The following MAU2 variants were observed in gnomAD, a reference collection of about 807,000 sequenced individuals.
The protein encoded by MAU2 is MAU2 sister chromatid cohesion factor, also known as MAU2 chromatid cohesion factor homolog.
MAU2 carries 9 observed loss-of-function variants against 89.1 expected under a neutral mutation model. The observed-to-expected ratio is 0.10, with a 90% CI of 0.06 to 0.18. The LOEUF is 0.18. Among genes scored for constraint, MAU2 ranks in the 10% least tolerant of loss-of-function variants. The pLI, the probability that MAU2 is intolerant of heterozygous loss-of-function variation, is 1.00. For synonymous variants in MAU2, 357 were observed against 343.4 expected (o/e 1.04, Z -0.44); for missense variants, 425 against 803.5 (o/e 0.53, Z 5.69).
intron 1 of MAU2, among the ~76,000 whole-genome samples, chr19:19,335,376 G>C (rs1184277100): frequency 6.6e-6 from 1 of 152,120 alleles, no homozygotes; most frequent in Admixed American, 6.6e-5. Context: ...GACACCTGGG[G>C]GCCTTGCTGT....
At chr19:19,337,294 G>A in intron 4 of MAU2, 29 bp downstream of exon 4, 2 of 1,572,196 alleles carry the variant, frequency 1.3e-6, no homozygotes, top group Non-Finnish European at 1.7e-6. Flanking sequence ...GAACGAGGGT[G>A]CCCGGCAGGG....
Position 19,355,887 on chromosome 19 carries a change from C to G in MAU2, c.*105C>G. On this transcript the variant is annotated 3_prime_UTR_variant, in exon 19 of 19. Coordinates refer to ENST00000262815, the MANE Select transcript of MAU2 (RefSeq NM_015329.4). ...AGGCGTGCTTCCTTCCTGATTGTCT[C>G]TAGAGCTTCCAAGTCCTGGGAATGT... is the stretch of plus-strand genomic sequence containing the variant. 1 of 1,109,356 alleles carries G rather than the reference C, an allele frequency of 9.0e-7. No individual in the cohort carries two copies. The allele number at this position is 1,109,356 out of a possible 1,614,324, so 68.7% of individuals were successfully genotyped here.
intron 1 of MAU2, among the ~76,000 whole-genome samples, chr19:19,327,377 G>A (rs1263402524): frequency 6.6e-6 from 1 of 151,620 alleles, no homozygotes; most frequent in Non-Finnish European, 1.5e-5. Context: ...CCAGGCTGGA[G>A]TGCAATGGCG....
At position 19,345,456 on chromosome 19, in the gene MAU2, G is replaced by T. The variant is rs973168967; in HGVS notation, c.1221+87G>T. 1.5e-6 allele frequency: 2 copies of T among 1,306,136 alleles called. No individual in the cohort carries two copies. Among genetic ancestry groups the T allele is most frequent in the Non-Finnish European group, 2.2e-6 (2 of 913,158 alleles). The allele number at this position is 1,306,136 out of a possible 1,614,324, so 80.9% of individuals were successfully genotyped here. On this transcript the variant is annotated intron_variant, in intron 12 of 18. Transcript: ENST00000262815. This position sits in a 1 kb window ranked among gnomAD's most constrained non-coding sequence, Gnocchi z 4.9. The stretch of plus-strand genomic sequence containing the variant: ...GTGGTCTGTGATGAGGACAGCAGTC[G>T]CGCTAGGTCAGCTATGCAAAGCCGC...
intron 1 of MAU2, among the ~76,000 whole-genome samples, chr19:19,324,046 G>C (rs773222861): frequency 6.6e-6 from 1 of 152,174 alleles, no homozygotes; most frequent in Admixed American, 6.5e-5. Context: ...TTTGGTGCCG[G>C]GGGATCAGCA....
intron 4 of MAU2, among the ~76,000 whole-genome samples, 162 bp downstream of exon 4, chr19:19,337,427 C>G (rs2061606422): frequency 6.6e-6 from 1 of 152,258 alleles, no homozygotes; most frequent in African/African-American, 2.4e-5. Context: ...AACCTGCACA[C>G]AAGCCCCTTT....
At chr19:19,346,540 G>A (rs1020686383) in intron 12 of MAU2, among the ~76,000 whole-genome samples, 14 of 152,054 alleles carry the variant, frequency 9.2e-5, no homozygotes, top group African/African-American at 2.7e-4. Context: ...ACCTTGCTAC[G>A]TCTCAGAGCA....
chr19:19,342,077 T>C (rs1421268481), intron 7 of MAU2, among the ~76,000 whole-genome samples: 1 of 152,182 alleles, frequency 6.6e-6, no homozygotes, highest in Non-Finnish European at 1.5e-5. Flanking sequence ...CAGAGCAGAC[T>C]GCAGCCACGC....
chr19:19,352,353 C>T (rs964571919), intron 16 of MAU2: 5 of 152,144 alleles, frequency 3.3e-5, no homozygotes, highest in African/African-American at 7.2e-5. Context: ...TGTTAACAAA[C>T]GTGGTGCCCG....
intron 13 of MAU2, 86 bp downstream of exon 13, chr19:19,347,452 A>G (rs899676892): frequency 5.8e-6 from 6 of 1,034,432 alleles, no homozygotes; most frequent in Non-Finnish European, 9.0e-6. Flanking sequence ...GCACCAGCAC[A>G]TCTCAGCAGA....
intron 16 of MAU2, among the ~76,000 whole-genome samples, chr19:19,350,042 C>G (rs988266371): frequency 6.7e-6 from 1 of 148,372 alleles, no homozygotes; most frequent in Non-Finnish European, 1.5e-5. Context: ...CGCCTGTAAT[C>G]CCAGCACTTT....
chr19:19,347,241 C>T (rs1213400263), intron 12 of MAU2, 39 bp from the exon 13 acceptor site: 2 of 1,394,294 alleles, frequency 1.4e-6, no homozygotes, highest in Non-Finnish European at 2.0e-6. Context: ...GGTCACAGCA[C>T]CCGACCCAGC....
intron 1 of MAU2, among the ~76,000 whole-genome samples, chr19:19,331,396 G>A (rs1049043384): frequency 1.3e-5 from 2 of 151,958 alleles, no homozygotes; most frequent in Non-Finnish European, 2.9e-5. Context: ...CAGCTACTCA[G>A]GAGGCTGAGG....
At chr19:19,339,445 CAA>C (rs34366787) in intron 5 of MAU2, among the ~76,000 whole-genome samples, 1 of 141,350 alleles carries the variant, frequency 7.1e-6, no homozygotes, top group Admixed American at 7.1e-5. Context: ...GACTCCGTCT[CAA>C]AAAAAAAAAA....
intron 1 of MAU2, chr19:19,329,034 C>T: frequency 2.2e-6 from 1 of 456,068 alleles, no homozygotes; most frequent in Non-Finnish European, 4.4e-6. Flanking sequence ...TGGTCAGATA[C>T]TTAATTCTGC....
chr19:19,323,227 G>A (rs543108075), intron 1 of MAU2, among the ~76,000 whole-genome samples: 74 of 140,608 alleles, frequency 5.3e-4, no homozygotes, highest in African/African-American at 1.9e-3. Context: ...ACAGATTCTC[G>A]CTTTGTCACC....
Position 19,342,337 on chromosome 19 carries a change from C to T in MAU2, c.736-198C>T, listed in dbSNP as rs552052918. On this transcript the variant is annotated intron_variant, in intron 7 of 18. Transcript: ENST00000262815. Reference sequence around the variant, plus strand: ...GACAAGCCTCAGTCCCACAGCTGCCCGCCTGGCTGTGCCCCATGCCCCAAA... The same window carrying T: ...GACAAGCCTCAGTCCCACAGCTGCCTGCCTGGCTGTGCCCCATGCCCCAAA... Among the ~76,000 whole-genome samples the T allele has an allele frequency of 1.6e-4, 24 of 152,308 alleles. 1 individual carries two copies. The South Asian group carries it at 4.6e-3, about 29-fold the overall frequency.
intron 1 of MAU2, among the ~76,000 whole-genome samples, chr19:19,334,943 G>C (rs1458540749): frequency 6.6e-6 from 1 of 152,242 alleles, no homozygotes; most frequent in East Asian, 1.9e-4. Context: ...GGTGCAGGTT[G>C]CTCTGAATGT....
intron 7 of MAU2, 73 bp from the exon 8 acceptor site, chr19:19,342,462 G>A: frequency 6.7e-7 from 1 of 1,497,744 alleles, no homozygotes; most frequent in South Asian, 1.4e-5. Flanking sequence ...GGAAGGAGCA[G>A]GGGTGGCTGG....
Sources: allele counts gnomAD v4.1 joint callset (sites outside exome capture counted in the v4.1 genomes callset), GRCh38; gene constraint gnomAD v4.1.1; non-coding constraint Gnocchi (gnomAD v3.1); transcripts MANE v1.5; gene names NCBI Gene and HGNC (gene_info 2026-07-23, HGNC 2026-07-21).